The following LRRC4C variants were observed in gnomAD, a reference collection of about 807,000 sequenced individuals.
LRRC4C encodes leucine rich repeat containing 4C.
A neutral mutation model predicts 33.6 loss-of-function variants in LRRC4C; 5 were observed. The ratio of observed to expected loss-of-function variants is 0.15; its 90% CI spans 0.08 to 0.31. The LOEUF (loss-of-function observed/expected upper bound fraction) is 0.31. Ranked by LOEUF, LRRC4C falls within the 10% of genes least tolerant of loss-of-function variation. LRRC4C has a pLI of 1.00. For synonymous variants in LRRC4C, 329 were observed against 302.0 expected (o/e 1.09, Z -0.93); for missense variants, 560 against 796.7 (o/e 0.70, Z 3.58).
chr11:41,077,194 G>T (rs1436854073), intron 1 of LRRC4C, among the ~76,000 whole-genome samples: 1 of 152,172 alleles, frequency 6.6e-6, no homozygotes, highest in African/African-American at 2.4e-5. Context: ...GCAGTCAGTG[G>T]ATCTAGCATT....
At chr11:40,387,016 A>T (rs1425256425) in intron 3 of LRRC4C, among the ~76,000 whole-genome samples, 1 of 152,162 alleles carries the variant, frequency 6.6e-6, no homozygotes, top group Non-Finnish European at 1.5e-5. Context: ...GCAATTTATT[A>T]TCTGATGGTA....
At chr11:40,412,480 A>G (rs1950188668) in intron 3 of LRRC4C, among the ~76,000 whole-genome samples, 1 of 152,036 alleles carries the variant, frequency 6.6e-6, no homozygotes, top group Non-Finnish European at 1.5e-5. Context: ...TCCTTCTTAC[A>G]TGTAATGATT....
chr11:40,364,749 C>T (rs1590458667), intron 3 of LRRC4C, among the ~76,000 whole-genome samples: 1 of 151,868 alleles, frequency 6.6e-6, no homozygotes, highest in African/African-American at 2.4e-5. Flanking sequence ...AACAAAAAGC[C>T]CACCATAATT....
chr11:40,563,719 T>C (rs57832729), intron 3 of LRRC4C, among the ~76,000 whole-genome samples: 134 of 152,192 alleles, frequency 8.8e-4, no homozygotes, highest in Middle Eastern at 3.4e-3. Context: ...AACCTTGAAA[T>C]CTGAAACACG....
chr11:41,457,585 T>A (rs1956210041), intron 1 of LRRC4C, among the ~76,000 whole-genome samples: 1 of 152,148 alleles, frequency 6.6e-6, no homozygotes, highest in South Asian at 2.1e-4. Flanking sequence ...AAAATTTTGT[T>A]TAGGGTTTCT....
intron 1 of LRRC4C, among the ~76,000 whole-genome samples, chr11:41,445,773 T>C (rs1471258477): frequency 6.6e-6 from 1 of 151,978 alleles, no homozygotes; most frequent in Non-Finnish European, 1.5e-5. Flanking sequence ...ACATACAAAT[T>C]ATTTTATAAC....
chr11:41,320,825 G>A (rs553857593), intron 1 of LRRC4C, among the ~76,000 whole-genome samples: 15 of 152,222 alleles, frequency 9.9e-5, no homozygotes, highest in Middle Eastern at 3.4e-3. Context: ...TACATCTGAG[G>A]CTCTGGGGAA....
At chr11:41,166,923 C>T (rs1036164958) in intron 1 of LRRC4C, among the ~76,000 whole-genome samples, 2 of 152,142 alleles carry the variant, frequency 1.3e-5, no homozygotes, top group Non-Finnish European at 2.9e-5. Context: ...CAACCCCTCT[C>T]CCCCATACAA....
intron 4 of LRRC4C, among the ~76,000 whole-genome samples, chr11:40,242,650 T>C (rs1866008650): frequency 6.6e-6 from 1 of 152,166 alleles, no homozygotes; most frequent in South Asian, 2.1e-4. Context: ...TTTTATGACA[T>C]ACACAAGTGA....
chr11:40,698,000 A>G (rs749174232), intron 2 of LRRC4C, among the ~76,000 whole-genome samples: 1 of 151,492 alleles, frequency 6.6e-6, no homozygotes, highest in Non-Finnish European at 1.5e-5. Context: ...CCCGGGAGGC[A>G]GAGCTTACAG....
At chr11:40,314,724 A>T (rs559473873) in intron 4 of LRRC4C, among the ~76,000 whole-genome samples, 7 of 152,290 alleles carry the variant, frequency 4.6e-5, no homozygotes, top group African/African-American at 1.7e-4. Flanking sequence ...ACCATAAAAA[A>T]GAATAAAATT....
rs143591126 is a variant in LRRC4C at position 40,297,130 on chromosome 11, C to A, written c.-176+22498G>T. Among the ~76,000 whole-genome samples, 162 of 152,256 alleles carry A rather than the reference C, an allele frequency of 1.1e-3. 5 individuals carry two copies. The East Asian group carries it at 0.028, about 27-fold the overall frequency. On this transcript the variant is annotated intron_variant, in intron 4 of 6. Coordinates refer to ENST00000528697, the MANE Select transcript of LRRC4C (RefSeq NM_001258419.2). ...CAGAAATACAAAATAGCAAATAGAA[C>A]AAATTCAGTAACTTTGCTTAAAAAT...
At chr11:40,361,229 T>G (rs1223850303) in intron 3 of LRRC4C, among the ~76,000 whole-genome samples, 2 of 152,096 alleles carry the variant, frequency 1.3e-5, no homozygotes, top group African/African-American at 4.8e-5. Flanking sequence ...TAACATAGTA[T>G]TGGAAGTTCT....
At position 40,217,557 on chromosome 11, in the gene LRRC4C, C is replaced by T. The variant is rs552674642; in HGVS notation, c.-96+23962G>A. On this transcript the variant is annotated intron_variant, in intron 5 of 6. Coordinates refer to ENST00000528697, the MANE Select transcript of LRRC4C (RefSeq NM_001258419.2). Reference sequence around the variant, plus strand: ...TTACCATGAAAGCATTACTCATGAACTTGCCAATCTGGTATACAAATTAAA... The same window carrying T: ...TTACCATGAAAGCATTACTCATGAATTTGCCAATCTGGTATACAAATTAAA... Among the ~76,000 whole-genome samples the T allele has an allele frequency of 2.0e-5, 3 of 152,194 alleles. No individual in the cohort carries two copies. In the South Asian group the frequency reaches 6.2e-4, roughly 32 times the overall value.
chr11:40,163,356 A>G (rs1334134610), intron 5 of LRRC4C, among the ~76,000 whole-genome samples: 2 of 152,208 alleles, frequency 1.3e-5, no homozygotes, highest in Non-Finnish European at 2.9e-5. Context: ...GCATTTCAAA[A>G]GAAGTCACCA....
intron 3 of LRRC4C, among the ~76,000 whole-genome samples, chr11:40,542,937 T>C (rs1956782534): frequency 1.3e-5 from 2 of 152,182 alleles, no homozygotes; most frequent in Admixed American, 1.3e-4. Context: ...TACACATTTG[T>C]TGCTTTTATT....
intron 1 of LRRC4C, among the ~76,000 whole-genome samples, chr11:41,432,335 T>G (rs1234713311): frequency 6.6e-6 from 1 of 152,146 alleles, no homozygotes. Context: ...GGTAACACAA[T>G]AGCTTGTATC....
chr11:41,047,113 T>C (rs929750989), intron 1 of LRRC4C, among the ~76,000 whole-genome samples: 16 of 152,054 alleles, frequency 1.1e-4, no homozygotes, highest in African/African-American at 3.9e-4. Flanking sequence ...ATAAATCATA[T>C]CTCTAATAAG....
At chr11:40,161,105 T>C (rs74978676) in intron 5 of LRRC4C, among the ~76,000 whole-genome samples, 1,774 of 152,284 alleles carry the variant, frequency 0.012, 35 homozygotes, top group African/African-American at 0.037. Flanking sequence ...AAGTAAAACT[T>C]GGTTTATGAA....
Sources: allele counts gnomAD v4.1 joint callset (sites outside exome capture counted in the v4.1 genomes callset), GRCh38; gene constraint gnomAD v4.1.1; transcripts MANE v1.5; gene names NCBI Gene and HGNC (gene_info 2026-07-23, HGNC 2026-07-21).